BRIP1: variants seen among roughly 807,000 people sequenced by gnomAD.
BRIP1 encodes the protein BRCA1 interacting DNA helicase 1, also known as Fanconi anemia group J protein.
In BRIP1, 88 loss-of-function variants were observed where a neutral mutation model predicts 119.7. The observed-to-expected ratio is 0.74, with a 90% CI of 0.62 to 0.88. BRIP1 has a LOEUF of 0.88. BRIP1 is among the 40% of genes least tolerant of loss of function. BRIP1 has a pLI of 0.00. For missense variants in BRIP1, 1,259 were observed against 1,455.4 expected (o/e 0.87, Z 2.20); for synonymous variants, 443 against 496.5 (o/e 0.89, Z 1.43).
At position 61,828,575 on chromosome 17, in the gene BRIP1, G is replaced by A. The variant is rs1371277184; in HGVS notation, c.627+18526C>T. On this transcript the variant is annotated intron_variant, in intron 6 of 19. Transcript: ENST00000259008. This position sits in a 1 kb window ranked among gnomAD's most constrained non-coding sequence, Gnocchi z 4.1. ...ATATATATTTTACCATTAAAAACAT[G>A]AAGGTAAGAAAAAAAGCTGAAAAAA... Among the ~76,000 whole-genome samples, 1 of 151,974 alleles carries A rather than the reference G, an allele frequency of 6.6e-6. No individual in the cohort carries two copies. Among genetic ancestry groups the A allele is most frequent in the Non-Finnish European group, 1.5e-5 (1 of 68,000 alleles).
Position 61,806,568 on chromosome 17 carries a change from A to C in BRIP1, c.918+1899T>G, listed in dbSNP as rs995040433. 5.9e-5 allele frequency among the ~76,000 whole-genome samples: 9 copies of C among 152,258 alleles called. No homozygotes were observed. The highest frequency in any genetic ancestry group is 1.3e-4 in the Non-Finnish European group (9 of 68,044). On this transcript the variant is annotated intron_variant, in intron 7 of 19. Coordinates refer to ENST00000259008, the MANE Select transcript of BRIP1 (RefSeq NM_032043.3). This position sits in a 1 kb window ranked among gnomAD's most constrained non-coding sequence, Gnocchi z 4.9. ...TTTTACATGATTCAAACTTATGAGT[A>C]AAGATCAATAAAAACGTAACCAGCA... is the stretch of plus-strand genomic sequence containing the variant.
rs1380774475 is a variant in BRIP1, at chr17:61,792,940, T to C, written c.1473+657A>G. On this transcript the variant is annotated intron_variant, in intron 10 of 19. Transcript: ENST00000259008. ...GGTGTGTATTGTGTATGTGTATAGG[T>C]GTGTAGCTGGGAGTGAGAGTATATG... 2.0e-5 allele frequency among the ~76,000 whole-genome samples: 3 copies of C among 152,278 alleles called. No homozygotes were observed. In the South Asian group the frequency reaches 6.2e-4, roughly 32 times the overall value.
chr17:61,857,806 T>G lies in BRIP1; in HGVS notation c.206-575A>C, dbSNP rs2078919266. Among the ~76,000 whole-genome samples, 1 of 152,182 alleles carries G rather than the reference T, an allele frequency of 6.6e-6. No homozygotes were observed. Among genetic ancestry groups the G allele is most frequent in the Admixed American group, 6.6e-5 (1 of 15,260 alleles). On this transcript the variant is annotated intron_variant, in intron 3 of 19. Transcript: ENST00000259008. This position sits in a 1 kb window ranked among gnomAD's most constrained non-coding sequence, Gnocchi z 5.1. ...AAATCTAATAATCTAAGATTAATAA[T>G]GTAATAAAAGTACAACTACTCAAGT...
chr17:61,764,284 A>G (rs2077319473), intron 14 of BRIP1, among the ~76,000 whole-genome samples: 1 of 152,170 alleles, frequency 6.6e-6, no homozygotes, highest in South Asian at 2.1e-4. Flanking sequence ...AGACATAAAC[A>G]TTGCACAGCC....
rs932325305 is a variant in BRIP1 at position 61,720,362 on chromosome 17, G to A, written c.2380-4299C>T. Reference sequence around the variant, plus strand: ...ATCATATGTATCAAAACATCACTATGTACCCTATGAATATGTACAATAATT... The same window carrying A: ...ATCATATGTATCAAAACATCACTATATACCCTATGAATATGTACAATAATT... On this transcript the variant is annotated intron_variant, in intron 16 of 19. Coordinates refer to ENST00000259008, the MANE Select transcript of BRIP1 (RefSeq NM_032043.3). This position sits in a 1 kb window ranked among gnomAD's most constrained non-coding sequence, Gnocchi z 4.3. Among the ~76,000 whole-genome samples, 2 of 151,960 alleles carry A rather than the reference G, an allele frequency of 1.3e-5. No individual in the cohort carries two copies. Among genetic ancestry groups the A allele is most frequent in the African/African-American group, 2.4e-5 (1 of 41,348 alleles).
rs1429976367 is a variant in BRIP1, at chr17:61,703,110, G to C, written c.2493-9598C>G. On this transcript the variant is annotated intron_variant, in intron 17 of 19. Coordinates refer to ENST00000259008, the MANE Select transcript of BRIP1 (RefSeq NM_032043.3). This position sits in a 1 kb window ranked among gnomAD's most constrained non-coding sequence, Gnocchi z 5.0. ...GACAGAGTCTCACTCTATTGCCCAG[G>C]CTGAAGTGCAGTGGCACAATCCCAA... Among the ~76,000 whole-genome samples, 1 of 151,930 alleles carries C rather than the reference G, an allele frequency of 6.6e-6. No individual in the cohort carries two copies. Among genetic ancestry groups the C allele is most frequent in the Non-Finnish European group, 1.5e-5 (1 of 68,002 alleles).
Position 61,736,095 on chromosome 17 carries a change from G to A in BRIP1, c.2379+6918C>T, listed in dbSNP as rs1056956545. On this transcript the variant is annotated intron_variant, in intron 16 of 19. Transcript: ENST00000259008. The surrounding 1 kb of genome is among the most constrained non-coding windows in gnomAD (Gnocchi z 4.4). ...AATCCCAGCACTTTGGGAGGCTGAG[G>A]TCTGAGCATCCCTTAAGGCCAGGAG... is the stretch of plus-strand genomic sequence containing the variant. Among the ~76,000 whole-genome samples, 16 of 151,996 alleles carry A rather than the reference G, an allele frequency of 1.1e-4. No individual in the cohort carries two copies. The highest frequency in any genetic ancestry group is 3.6e-4 in the African/African-American group (15 of 41,386).
chr17:61,757,057 T>C lies in BRIP1; in HGVS notation c.2098-12466A>G, dbSNP rs146567922. On this transcript the variant is annotated intron_variant, in intron 14 of 19. Coordinates refer to ENST00000259008, the MANE Select transcript of BRIP1 (RefSeq NM_032043.3). This position sits in a 1 kb window ranked among gnomAD's most constrained non-coding sequence, Gnocchi z 4.3. Reference sequence around the variant, plus strand: ...TTCATTTCATGAGGTACTCATATGTTTTAAATGTTTACTTTCTTTTATTCA... The same window carrying C: ...TTCATTTCATGAGGTACTCATATGTCTTAAATGTTTACTTTCTTTTATTCA... 1.6e-4 allele frequency among the ~76,000 whole-genome samples: 24 copies of C among 152,226 alleles called. No homozygotes were observed. The highest frequency in any genetic ancestry group is 1.4e-3 in the Admixed American group (22 of 15,278).
In BRIP1 at chr17:61,781,018, A is replaced by G. The variant is rs2145098509; in HGVS notation, c.1629-13T>C. On this transcript the variant is annotated splice_polypyrimidine_tract_variant and intron_variant, in intron 11 of 19. Coordinates refer to ENST00000259008, the MANE Select transcript of BRIP1 (RefSeq NM_032043.3). ...ATCATCTGCAAATCTAGATGCAAAGAAAGTGCTAATTAAGTGGCAAAACTT... is the reference window on the plus strand; with the variant it reads ...ATCATCTGCAAATCTAGATGCAAAGGAAGTGCTAATTAAGTGGCAAAACTT... The G allele has an allele frequency of 6.2e-7, 1 of 1,613,342 alleles. No homozygotes were observed. The highest frequency in any genetic ancestry group is 8.5e-7 in the Non-Finnish European group (1 of 1,179,920).
chr17:61,738,204 A>G lies in BRIP1; in HGVS notation c.2379+4809T>C, dbSNP rs2076943874. ...CCAAGCCTAGATCATCTGTCACCCA[A>G]TCACTCCAGAGATGTATGACCTGTA... On this transcript the variant is annotated intron_variant, in intron 16 of 19. Coordinates refer to ENST00000259008, the MANE Select transcript of BRIP1 (RefSeq NM_032043.3). This position sits in a 1 kb window ranked among gnomAD's most constrained non-coding sequence, Gnocchi z 4.2. 6.6e-6 allele frequency among the ~76,000 whole-genome samples: 1 copy of G among 152,164 alleles called. No individual in the cohort carries two copies. Among genetic ancestry groups the G allele is most frequent in the African/African-American group, 2.4e-5 (1 of 41,426 alleles).
intron 16 of BRIP1, among the ~76,000 whole-genome samples, chr17:61,721,589 C>T (rs1361572576): frequency 6.6e-6 from 1 of 151,290 alleles, no homozygotes; most frequent in Non-Finnish European, 1.5e-5. Context: ...AACCCAAAAC[C>T]CCACCCTTTT....
intron 17 of BRIP1, among the ~76,000 whole-genome samples, chr17:61,711,594 T>A (rs181784718): frequency 2.0e-5 from 3 of 151,312 alleles, no homozygotes; most frequent in Admixed American, 2.0e-4. Flanking sequence ...AGTGGCTGGG[T>A]GTGGTGGCTC....
At chr17:61,830,510 C>T (rs966195710) in intron 6 of BRIP1, among the ~76,000 whole-genome samples, 34 of 151,996 alleles carry the variant, frequency 2.2e-4, no homozygotes, top group Non-Finnish European at 2.9e-4. Flanking sequence ...CACTACAAAT[C>T]CTACAGACAC....
At chr17:61,721,689 T>C (rs1240659869) in intron 16 of BRIP1, among the ~76,000 whole-genome samples, 1 of 146,110 alleles carries the variant, frequency 6.8e-6, no homozygotes, top group Non-Finnish European at 1.5e-5. Flanking sequence ...ACATAGACTT[T>C]GCCTTTTTTT....
At position 61,709,432 on chromosome 17, in the gene BRIP1, T is replaced by G. The variant is rs541061821; in HGVS notation, c.2492+6519A>C. Among the ~76,000 whole-genome samples the G allele has an allele frequency of 6.6e-6, 1 of 152,272 alleles. No individual in the cohort carries two copies. Among genetic ancestry groups the G allele is most frequent in the Admixed American group, 6.5e-5 (1 of 15,284 alleles). On this transcript the variant is annotated intron_variant, in intron 17 of 19. Transcript: ENST00000259008. The surrounding 1 kb of genome is among the most constrained non-coding windows in gnomAD (Gnocchi z 5.0). The stretch of plus-strand genomic sequence containing the variant: ...AAAATCTAAATTTTATAGGGCATTA[T>G]TTTTTGATATTATTTTAAAGTAACC...
rs552602799 is a variant in BRIP1 at position 61,861,934 on chromosome 17, CAGTT to C, written c.-30-369_-30-366del. On this transcript the variant is annotated intron_variant, in intron 1 of 19. Coordinates refer to ENST00000259008, the MANE Select transcript of BRIP1 (RefSeq NM_032043.3). The surrounding 1 kb of genome is among the most constrained non-coding windows in gnomAD (Gnocchi z 4.5). The stretch of plus-strand genomic sequence containing the variant: ...CCAGATTAAACATGAGCTCTTGTAA[CAGTT>C]AGATCAGATGTAATCAACCTACAGA... The C allele has an allele frequency of 9.5e-4, 265 of 277,684 alleles. No homozygotes were observed. Among genetic ancestry groups the C allele is most frequent in the African/African-American group, 5.5e-3 (247 of 44,992 alleles). 17.2% of individuals were successfully genotyped at this position (277,684 alleles called of 1,614,324 possible).
chr17:61,781,107 A>G (rs1044754506), intron 11 of BRIP1, 102 bp from the exon 12 acceptor site: 1 of 1,048,442 alleles, frequency 9.5e-7, no homozygotes, highest in African/African-American at 1.6e-5. Context: ...CATTTGAAAG[A>G]GCTGGTACCT....
In BRIP1 at chr17:61,774,749, TAGA is replaced by T. The variant is rs2077508876; in HGVS notation, c.2097+1649_2097+1651del. Among the ~76,000 whole-genome samples, 1 of 152,192 alleles carries T rather than the reference TAGA, an allele frequency of 6.6e-6. No individual in the cohort carries two copies. Among genetic ancestry groups the T allele is most frequent in the African/African-American group, 2.4e-5 (1 of 41,452 alleles). ...GTGTCTTTATTTTTAATTGAAAAGCTAGAAGCAGAAAAATAATCTATTCATTTT... is the reference window on the plus strand; with the variant it reads ...GTGTCTTTATTTTTAATTGAAAAGCTAGCAGAAAAATAATCTATTCATTTT... On this transcript the variant is annotated intron_variant, in intron 14 of 19. Transcript: ENST00000259008. This position sits in a 1 kb window ranked among gnomAD's most constrained non-coding sequence, Gnocchi z 5.8.
chr17:61,696,853 C>T (rs1351784632), intron 17 of BRIP1, among the ~76,000 whole-genome samples: 3 of 150,738 alleles, frequency 2.0e-5, no homozygotes, highest in Admixed American at 6.6e-5. Context: ...GGTGTGGTGG[C>T]GGGCACCTGT....
Sources: gnomAD v4.1 joint callset for allele counts (sites outside exome capture counted in the v4.1 genomes callset) on GRCh38, gnomAD v4.1.1 for gene constraint, Gnocchi (gnomAD v3.1) non-coding constraint, MANE v1.5 for transcripts, NCBI Gene and HGNC (gene_info 2026-07-23, HGNC 2026-07-21) for gene names.